Variants in ZNF143 observed in about 807,000 individuals in gnomAD.
ZNF143 encodes the protein zinc finger protein 143, also known as SPH-binding factor.
A neutral mutation model predicts 74.1 loss-of-function variants in ZNF143; 49 were observed. The observed-to-expected ratio is 0.66, with a 90% CI of 0.53 to 0.84. ZNF143 has a LOEUF of 0.84. ZNF143 is among the 40% of genes least tolerant of loss of function. The pLI, the probability that ZNF143 is intolerant of heterozygous loss-of-function variation, is 0.00. For synonymous variants in ZNF143, 304 were observed against 282.8 expected (o/e 1.07, Z -0.75); for missense variants, 637 against 793.4 (o/e 0.80, Z 2.37).
intron 1 of ZNF143, among the ~76,000 whole-genome samples, chr11:9,465,452 G>C (rs993084253): frequency 5.3e-5 from 8 of 151,622 alleles, no homozygotes; most frequent in African/African-American, 1.9e-4. Context: ...CCAGAGTGCT[G>C]GGATTACAGG....
chr11:9,472,673 A>G lies in ZNF143; in HGVS notation c.113-4A>G, dbSNP rs1856650873. ...TAAAGAAAATATTGATTTTTTTGTA[A>G]TAGATGGTGACAACTTAGAAAATAT... is the stretch of plus-strand genomic sequence containing the variant. On this transcript the variant is annotated splice_polypyrimidine_tract_variant and splice_region_variant and intron_variant, in intron 2 of 15. Coordinates refer to ENST00000396602, the MANE Select transcript of ZNF143 (RefSeq NM_003442.6). 6.2e-7 allele frequency: 1 copy of G among 1,609,034 alleles called. No individual in the cohort carries two copies.
intron 12 of ZNF143, 104 bp from the exon 13 acceptor site, chr11:9,512,344 A>C (rs1395123483): frequency 7.0e-7 from 1 of 1,421,810 alleles, no homozygotes; most frequent in African/African-American, 1.5e-5. Flanking sequence ...AATATAATAC[A>C]TGTACATTTT....
chr11:9,476,941 T>C (rs1334102753), intron 5 of ZNF143, among the ~76,000 whole-genome samples: 1 of 150,682 alleles, frequency 6.6e-6, no homozygotes, highest in Non-Finnish European at 1.5e-5. Context: ...TTGTATTTTT[T>C]TTAGTAGAGG....
At chr11:9,498,576 G>A (rs1327094948) in intron 10 of ZNF143, among the ~76,000 whole-genome samples, 1 of 151,944 alleles carries the variant, frequency 6.6e-6, no homozygotes, top group African/African-American at 2.4e-5. Context: ...TAAATAGTAC[G>A]TTATTCTTAC....
rs1847901295 is a variant in ZNF143, at chr11:9,494,746, C to T, written c.746C>T (p.Thr249Ile). 1 of 1,610,524 alleles carries T rather than the reference C, an allele frequency of 6.2e-7. No individual in the cohort carries two copies. The highest frequency in any genetic ancestry group is 8.5e-7 in the Non-Finnish European group (1 of 1,176,800). Residue 249 changes from threonine (T) to isoleucine (I), a missense_variant, in exon 8 of 16, where the codon ACA (threonine) becomes ATA (isoleucine). This residue lies in a region of ZNF143 where 293 missense variants were observed against 307.8 expected (regional missense o/e 0.95). Transcript: ENST00000396602. ...CEYDGCGKLY[T>I]TAHHLKVHER... ...TATGATGGATGTGGAAAATTATATACAACAGCTCATCATCTCAAGGTATAT... is the reference window on the plus strand; with the variant it reads ...TATGATGGATGTGGAAAATTATATATAACAGCTCATCATCTCAAGGTATAT...
Position 9,483,414 on chromosome 11 carries a change from A to G in ZNF143, c.645+3868A>G, listed in dbSNP as rs572202636. 7.2e-4 allele frequency among the ~76,000 whole-genome samples: 103 copies of G among 142,614 alleles called. 4 individuals are homozygous for G. The highest frequency in any genetic ancestry group is 2.5e-3 in the African/African-American group (94 of 37,210). 93.6% of individuals were successfully genotyped at this position (142,614 alleles called of 152,430 possible). A position where few individuals can be genotyped will look rare whatever the true frequency, so the allele number is the denominator to read the frequency against. ...CTCAGTTCAAGCAGTTCTCCTGCTC[A>G]GCCTCCCGAGTAGCTGAGACTGCAG... On this transcript the variant is annotated intron_variant, in intron 7 of 15. Coordinates refer to ENST00000396602, the MANE Select transcript of ZNF143 (RefSeq NM_003442.6).
intron 1 of ZNF143, among the ~76,000 whole-genome samples, chr11:9,465,624 C>G (rs1282505264): frequency 6.6e-6 from 1 of 150,654 alleles, no homozygotes; most frequent in East Asian, 2.0e-4. Context: ...CTCAGCCTCC[C>G]TAGTAGCTGG....
chr11:9,509,253 T>A (rs1848460721), intron 12 of ZNF143, among the ~76,000 whole-genome samples: 1 of 152,206 alleles, frequency 6.6e-6, no homozygotes, highest in African/African-American at 2.4e-5. Flanking sequence ...AGGGCAGTTC[T>A]GCCTGGGAAG....
Position 9,524,234 on chromosome 11 carries a change from A to G in ZNF143, c.1687-1006A>G, listed in dbSNP as rs538178930. On this transcript the variant is annotated intron_variant, in intron 14 of 15. Coordinates refer to ENST00000396602, the MANE Select transcript of ZNF143 (RefSeq NM_003442.6). ...GGGTAGTGCCCTCAGTGTGAAATCT[A>G]TTTAAACACAGATATAACACAGTGT... is the stretch of plus-strand genomic sequence containing the variant. 3.0e-4 allele frequency among the ~76,000 whole-genome samples: 45 copies of G among 152,190 alleles called. No homozygotes were observed. In the South Asian group the frequency reaches 3.5e-3, roughly 12 times the overall value.
In ZNF143 at chr11:9,512,683, T is replaced by C. The variant is rs551517998; in HGVS notation, c.1524+87T>C. ...GGCTGGGTCCCCATTGAGGAAAGCT[T>C]TGAAATATCAGGGCACAAAGTTTGG... On this transcript the variant is annotated intron_variant, in intron 13 of 15. Transcript: ENST00000396602. 87 of 1,546,828 alleles carry C rather than the reference T, an allele frequency of 5.6e-5. No individual in the cohort carries two copies. In the East Asian group the frequency reaches 1.9e-3, roughly 34 times the overall value.
chr11:9,524,328 A>T (rs1161175802), intron 14 of ZNF143, among the ~76,000 whole-genome samples: 1 of 152,078 alleles, frequency 6.6e-6, no homozygotes, highest in Non-Finnish European at 1.5e-5. Flanking sequence ...GCCTTCATAT[A>T]GTTGCTTTTT....
intron 1 of ZNF143, among the ~76,000 whole-genome samples, chr11:9,467,132 T>G (rs1325657211): frequency 6.6e-6 from 1 of 152,038 alleles, no homozygotes; most frequent in Admixed American, 6.6e-5. Context: ...GACCTCGTGA[T>G]CCACCCGCCT....
intron 10 of ZNF143, among the ~76,000 whole-genome samples, chr11:9,499,295 T>C (rs549747083): frequency 2.6e-5 from 4 of 152,220 alleles, no homozygotes; most frequent in East Asian, 1.9e-4. Flanking sequence ...GTGAAAATTA[T>C]CCTAGAACAG....
At chr11:9,512,801 T>C (rs1848597576) in intron 13 of ZNF143, among the ~76,000 whole-genome samples, 1 of 152,100 alleles carries the variant, frequency 6.6e-6, no homozygotes, top group Admixed American at 6.6e-5. Flanking sequence ...ATCCGAATGG[T>C]ATTCTTGGTG....
chr11:9,471,678 G>A (rs1210795325), intron 2 of ZNF143, among the ~76,000 whole-genome samples: 1 of 150,014 alleles, frequency 6.7e-6, no homozygotes, highest in African/African-American at 2.5e-5. Flanking sequence ...TCAGCCTCCC[G>A]AGTAGCTGGG....
chr11:9,478,668 A>G (rs1449311553), intron 6 of ZNF143, 82 bp downstream of exon 6: 29 of 1,497,770 alleles, frequency 1.9e-5, no homozygotes, highest in Non-Finnish European at 2.6e-5. Flanking sequence ...AAAAAAGTAC[A>G]CCTCATCAAA....
intron 1 of ZNF143, 119 bp downstream of exon 1, chr11:9,461,195 C>T: frequency 1.7e-6 from 1 of 600,560 alleles, no homozygotes; most frequent in Non-Finnish European, 2.1e-6. Flanking sequence ...TCAGCCTCCG[C>T]CGCAGGCCTT....
At chr11:9,503,466 C>T (rs1462975010) in intron 11 of ZNF143, among the ~76,000 whole-genome samples, 1 of 152,138 alleles carries the variant, frequency 6.6e-6, no homozygotes, top group Non-Finnish European at 1.5e-5. Flanking sequence ...ATTTTACAGT[C>T]TCATCAGCAA....
At position 9,525,522 on chromosome 11, in the gene ZNF143, G is replaced by T. The variant is rs769202641; in HGVS notation, c.1833+136G>T. The T allele has an allele frequency of 4.2e-6, 5 of 1,185,302 alleles. No homozygotes were observed. The Admixed American group carries it at 9.7e-5, about 23-fold the overall frequency. 73.4% of individuals were successfully genotyped at this position (1,185,302 alleles called of 1,614,324 possible). A position where few individuals can be genotyped will look rare whatever the true frequency, so the allele number is the denominator to read the frequency against. On this transcript the variant is annotated intron_variant, in intron 15 of 15. Coordinates refer to ENST00000396602, the MANE Select transcript of ZNF143 (RefSeq NM_003442.6). ...TCTCTATCACCTAGCCTACTTTAAG[G>T]AAATCGGTGTATTTGAGGTGGACTC...
Sources: allele counts gnomAD v4.1 joint callset (sites outside exome capture counted in the v4.1 genomes callset), GRCh38; gene constraint gnomAD v4.1.1; regional missense constraint gnomAD v4.1.1; transcripts MANE v1.5; gene names NCBI Gene and HGNC (gene_info 2026-07-23, HGNC 2026-07-21).